Variants in CFI observed in about 807,000 individuals in gnomAD.
The protein encoded by CFI is complement factor I, also known as C3B/C4B inactivator.
Under a neutral mutation model 78.8 loss-of-function variants are expected in CFI, and 66 were observed. The observed-to-expected ratio is 0.84, with a 90% confidence interval of 0.69 to 1.03. The LOEUF is 1.03. Ranked by LOEUF, CFI falls within the 50% of genes least tolerant of loss-of-function variation. The pLI, the probability that CFI is intolerant of heterozygous loss-of-function variation, is 0.00. For missense variants in CFI, 706 were observed against 704.5 expected (o/e 1.00, Z -0.02); for synonymous variants, 250 against 232.6 (o/e 1.07, Z -0.68).
intron 1 of CFI, among the ~76,000 whole-genome samples, chr4:109,769,503 A>T (rs885448): frequency 0.22 from 33,544 of 152,098 alleles, 4,061 homozygotes; most frequent in Admixed American, 0.32. Flanking sequence ...AGAGAGGGAC[A>T]GCAGCCGGGT....
chr4:109,778,514 A>G (rs1296123137), intron 1 of CFI, among the ~76,000 whole-genome samples: 1 of 152,220 alleles, frequency 6.6e-6, no homozygotes, highest in Non-Finnish European at 1.5e-5. Context: ...AAAAGAGTCC[A>G]GGACCAGACA....
At chr4:109,795,856 G>A (rs1268098864) in intron 1 of CFI, among the ~76,000 whole-genome samples, 1 of 152,044 alleles carries the variant, frequency 6.6e-6, no homozygotes, top group Non-Finnish European at 1.5e-5. Flanking sequence ...GGACTTGTGG[G>A]ATACCCTCAA....
intron 1 of CFI, among the ~76,000 whole-genome samples, chr4:109,789,057 T>A (rs2125860070): frequency 6.6e-6 from 1 of 151,892 alleles, no homozygotes; most frequent in South Asian, 2.1e-4. Context: ...CTTCTAGGGA[T>A]AAAAACTACA....
At chr4:109,777,046 A>G (rs1188618944) in intron 1 of CFI, among the ~76,000 whole-genome samples, 4 of 152,252 alleles carry the variant, frequency 2.6e-5, no homozygotes, top group Non-Finnish European at 4.4e-5. Flanking sequence ...CATCAAGGCT[A>G]GGAAGAAACT....
At chr4:109,751,175 G>C (rs1205853577) in intron 8 of CFI, among the ~76,000 whole-genome samples, 1 of 152,078 alleles carries the variant, frequency 6.6e-6, no homozygotes, top group African/African-American at 2.4e-5. Flanking sequence ...GACTTTGGGG[G>C]CTGATTTGTG....
At chr4:109,801,735 A>T (rs968748792) in intron 1 of CFI, among the ~76,000 whole-genome samples, 180 bp downstream of exon 1, 3 of 152,220 alleles carry the variant, frequency 2.0e-5, no homozygotes, top group Admixed American at 6.5e-5. Context: ...AACTATTTTT[A>T]AAAAATCACT....
rs1362241319 is a variant in CFI, at chr4:109,782,388, G to A, written c.58-15564C>T. Among the ~76,000 whole-genome samples, 19 of 141,916 alleles carry A rather than the reference G, an allele frequency of 1.3e-4. No individual in the cohort carries two copies. The South Asian group carries it at 2.9e-3, about 22-fold the overall frequency. 93.1% of individuals were successfully genotyped at this position (141,916 alleles called of 152,430 possible). On this transcript the variant is annotated intron_variant, in intron 1 of 12. Coordinates refer to ENST00000394634, the MANE Select transcript of CFI (RefSeq NM_000204.5). ...TCTTCTATACACCAACAGCGACCAA[G>A]CACAGAATCAAATCAAGAACTCAAC...
chr4:109,789,216 A>G (rs1731083039), intron 1 of CFI, among the ~76,000 whole-genome samples: 1 of 151,994 alleles, frequency 6.6e-6, no homozygotes, highest in African/African-American at 2.4e-5. Flanking sequence ...AACTTCAAGT[A>G]GCCTAGTACA....
At chr4:109,736,155 T>C (rs1017143942), downstream of CFI, among the ~76,000 whole-genome samples, 1 of 151,326 alleles carries the variant, frequency 6.6e-6, no homozygotes, top group Non-Finnish European at 1.5e-5. Flanking sequence ...ACTCATACTA[T>C]AAGAGAAAGG....
intron 1 of CFI, among the ~76,000 whole-genome samples, chr4:109,779,185 G>A (rs1255848677): frequency 6.6e-6 from 1 of 152,150 alleles, no homozygotes; most frequent in Non-Finnish European, 1.5e-5. Flanking sequence ...AAAAGAGTAA[G>A]TCAAATTGTC....
chr4:109,760,556 A>G lies in CFI; in HGVS notation c.739T>C (p.Cys247Arg), dbSNP rs1230075660. ...QMKACDGIND[C>R]GDQSDELCCK... Reference sequence around the variant, plus strand: ...CACAGTTCATCACTTTGGTCTCCACAATCATTGATACCATCACAGGCTTTC... The same window carrying G: ...CACAGTTCATCACTTTGGTCTCCACGATCATTGATACCATCACAGGCTTTC... Residue 247 changes from cysteine to arginine, a missense_variant, in exon 5 of 13, where the codon TGT (cysteine) becomes CGT (arginine). Cys to Arg is a radical substitution (Grantham distance 180). Transcript: ENST00000394634. 2 of 1,607,302 alleles carry G rather than the reference A, an allele frequency of 1.2e-6. No individual in the cohort carries two copies. Among genetic ancestry groups the G allele is most frequent in the Non-Finnish European group, 1.7e-6 (2 of 1,173,964 alleles).
chr4:109,786,376 T>C (rs1212297017), intron 1 of CFI, among the ~76,000 whole-genome samples: 1 of 152,082 alleles, frequency 6.6e-6, no homozygotes, highest in Non-Finnish European at 1.5e-5. Context: ...CAATTATTTT[T>C]ATGTAAACTT....
intron 1 of CFI, among the ~76,000 whole-genome samples, chr4:109,797,298 A>G (rs1032930136): frequency 8.5e-5 from 13 of 152,238 alleles, no homozygotes; most frequent in Admixed American, 2.0e-4. Flanking sequence ...CTGCTCTTCA[A>G]CAAGGGAGCC....
chr4:109,784,111 A>G (rs1206181512), intron 1 of CFI, among the ~76,000 whole-genome samples: 1 of 151,898 alleles, frequency 6.6e-6, no homozygotes, highest in African/African-American at 2.4e-5. Flanking sequence ...TGGGTGCACC[A>G]AAATCTCACA....
chr4:109,749,269 C>T lies in CFI; in HGVS notation c.1097G>A (p.Gly366Glu), dbSNP rs1724843885. ...AIKDASGITC[G>E]GIYIGGCWIL... ...CCAACAGCCACCAATATAAATTCCC[C>T]CACAGGTGATTCCACTGGCATCCTT... Residue 366 changes from glycine to glutamate, a missense_variant, in exon 10 of 13, where the codon GGG becomes GAG. By Grantham distance (98) the Gly-to-Glu change is moderately conservative (BLOSUM62 -2). Coordinates refer to ENST00000394634, the MANE Select transcript of CFI (RefSeq NM_000204.5). 1 of 1,614,186 alleles carries T rather than the reference C, an allele frequency of 6.2e-7. No homozygotes were observed. The highest frequency in any genetic ancestry group is 1.7e-5 in the Admixed American group (1 of 60,014).
chr4:109,789,734 G>A (rs534714003), intron 1 of CFI, among the ~76,000 whole-genome samples: 64 of 152,104 alleles, frequency 4.2e-4, no homozygotes, highest in African/African-American at 1.5e-3. Context: ...ATCTTTGGGA[G>A]TTTTTGATTT....
chr4:109,755,807 G>A (rs955399506), intron 7 of CFI, among the ~76,000 whole-genome samples: 2 of 152,080 alleles, frequency 1.3e-5, no homozygotes, highest in Non-Finnish European at 2.9e-5. Context: ...TAGATGCCTC[G>A]AAGAAATCCT....
chr4:109,736,385 G>A (rs548620649), downstream of CFI, among the ~76,000 whole-genome samples: 42 of 150,318 alleles, frequency 2.8e-4, no homozygotes, highest in Middle Eastern at 0.017. Context: ...ATTTCCCACC[G>A]CACCAAGGCT....
chr4:109,740,907 G>A lies in CFI; in HGVS notation c.1738C>T (p.Gln580Ter), dbSNP rs775030152. 1.5e-5 allele frequency: 25 copies of A among 1,613,726 alleles called. No homozygotes were observed. The highest frequency in any genetic ancestry group is 1.9e-5 in the Non-Finnish European group (23 of 1,179,646). ...SYHVGRPFISQYNV is the reference protein window; with the variant it reads ...SYHVGRPFIS ...AGATCACAATTTTATACATTGTACTGAGAAATAAAAGGCCTTCCTACATGG... is the reference window on the plus strand; with the variant it reads ...AGATCACAATTTTATACATTGTACTAAGAAATAAAAGGCCTTCCTACATGG... Residue 580 changes from glutamine to a stop codon, truncating the protein, a stop_gained, in exon 13 of 13, where the codon CAG becomes TAG. Transcript: ENST00000394634. LOFTEE classifies it high-confidence loss of function.
Sources: gnomAD v4.1 joint callset for allele counts (sites outside exome capture counted in the v4.1 genomes callset) on GRCh38, gnomAD v4.1.1 for gene constraint, MANE v1.5 for transcripts, NCBI Gene and HGNC (gene_info 2026-07-23, HGNC 2026-07-21) for gene names.